The following CTNND2 variants were observed in gnomAD, a reference collection of about 807,000 sequenced individuals.
CTNND2 encodes the protein catenin delta 2, also known as catenin delta-2.
Under a neutral mutation model 144.4 loss-of-function variants are expected in CTNND2, and 22 were observed. That is an observed-to-expected ratio of 0.15 (90% CI 0.11 to 0.22). The LOEUF (loss-of-function observed/expected upper bound fraction) is 0.22, where lower values mean the gene tolerates loss of function less well. Ranked by LOEUF, CTNND2 falls within the 10% of genes least tolerant of loss-of-function variation. The pLI, the probability that CTNND2 is intolerant of heterozygous loss-of-function variation, is 1.00. For missense variants in CTNND2, 1,353 were observed against 1,618.8 expected (o/e 0.84, Z 2.82); for synonymous variants, 751 against 695.6 (o/e 1.08, Z -1.25).
chr5:11,061,618 G>A (rs1344332658), intron 16 of CTNND2, among the ~76,000 whole-genome samples: 1 of 152,030 alleles, frequency 6.6e-6, no homozygotes, highest in African/African-American at 2.4e-5. Flanking sequence ...CTTCTTTCCT[G>A]ACCACCCCAT....
intron 15 of CTNND2, among the ~76,000 whole-genome samples, chr5:11,098,245 T>C (rs1440432307): frequency 6.6e-6 from 1 of 152,164 alleles, no homozygotes; most frequent in African/African-American, 2.4e-5. Flanking sequence ...ATGATAGTGC[T>C]TTGAAAAAAT....
chr5:11,038,666 A>C (rs989798879), intron 16 of CTNND2, among the ~76,000 whole-genome samples: 4 of 152,172 alleles, frequency 2.6e-5, no homozygotes, highest in African/African-American at 9.7e-5. Flanking sequence ...TTTGAATCTG[A>C]AAGTTCTGGA....
intron 9 of CTNND2, among the ~76,000 whole-genome samples, chr5:11,282,848 C>A (rs1157185245): frequency 6.6e-6 from 1 of 152,132 alleles, no homozygotes; most frequent in African/African-American, 2.4e-5. Flanking sequence ...ACAAGTAATG[C>A]CCTGGCTATT....
chr5:11,118,696 A>G (rs2149696480), intron 12 of CTNND2, among the ~76,000 whole-genome samples: 1 of 152,360 alleles, frequency 6.6e-6, no homozygotes, highest in East Asian at 1.9e-4. Flanking sequence ...CCCAAGGATC[A>G]GTAAGCCTGG....
chr5:11,168,016 T>G (rs1172843811), intron 11 of CTNND2, among the ~76,000 whole-genome samples: 2 of 152,206 alleles, frequency 1.3e-5, no homozygotes, highest in East Asian at 3.9e-4. Context: ...CTCACCTAAA[T>G]TTTTGATTAG....
intron 2 of CTNND2, among the ~76,000 whole-genome samples, chr5:11,586,418 T>C (rs1175635804): frequency 1.3e-5 from 2 of 152,220 alleles, no homozygotes; most frequent in Non-Finnish European, 2.9e-5. Flanking sequence ...AAAAAACATT[T>C]GTTGAATACA....
At chr5:11,652,182 A>G (rs1782676968) in intron 2 of CTNND2, among the ~76,000 whole-genome samples, 1 of 152,118 alleles carries the variant, frequency 6.6e-6, no homozygotes, top group Non-Finnish European at 1.5e-5. Context: ...CCCCCGTGCT[A>G]TTTTTGTGAT....
intron 9 of CTNND2, among the ~76,000 whole-genome samples, chr5:11,248,578 A>G (rs560438582): frequency 6.6e-6 from 1 of 152,316 alleles, no homozygotes; most frequent in East Asian, 1.9e-4. Flanking sequence ...TTTCTTATAA[A>G]TTAGGTAACC....
chr5:11,633,784 A>T (rs1463706777), intron 2 of CTNND2, among the ~76,000 whole-genome samples: 2 of 151,864 alleles, frequency 1.3e-5, no homozygotes, highest in Non-Finnish European at 2.9e-5. Flanking sequence ...TCAAAAAAAA[A>T]AAAAAAATTA....
intron 1 of CTNND2, among the ~76,000 whole-genome samples, chr5:11,846,180 T>C (rs1294088477): frequency 6.6e-6 from 1 of 152,204 alleles, no homozygotes; most frequent in African/African-American, 2.4e-5. Flanking sequence ...GACAATTTTG[T>C]CATTGTTTTA....
At chr5:11,852,979 C>G (rs549861053) in intron 1 of CTNND2, among the ~76,000 whole-genome samples, 56 of 152,112 alleles carry the variant, frequency 3.7e-4, no homozygotes, top group Non-Finnish European at 6.5e-4. Flanking sequence ...ATGTTTTTCT[C>G]TCTTTCTTTT....
At chr5:11,803,857 C>CT (rs946537928) in intron 1 of CTNND2, among the ~76,000 whole-genome samples, 37 of 150,360 alleles carry the variant, frequency 2.5e-4, no homozygotes, top group African/African-American at 6.8e-4. Context: ...TGAAATTTTT[C>CT]TTTTTTTTTT....
chr5:11,734,562 C>T (rs1163412877), intron 1 of CTNND2, among the ~76,000 whole-genome samples: 1 of 152,096 alleles, frequency 6.6e-6, no homozygotes, highest in Non-Finnish European at 1.5e-5. Flanking sequence ...ATTACAAAAC[C>T]CCCATCTCAA....
intron 3 of CTNND2, among the ~76,000 whole-genome samples, chr5:11,509,734 T>C (rs778480100): frequency 9.8e-5 from 15 of 152,334 alleles, no homozygotes; most frequent in Admixed American, 7.2e-4. Flanking sequence ...CTAGTCTCTT[T>C]ACTTCTCTTT....
chr5:11,837,634 A>T (rs1351862327), intron 1 of CTNND2, among the ~76,000 whole-genome samples: 2 of 152,202 alleles, frequency 1.3e-5, no homozygotes, highest in African/African-American at 4.8e-5. Flanking sequence ...GAGTATCTTT[A>T]GGAACAAGTC....
In CTNND2 at chr5:11,182,387, G is replaced by GTA. The variant is rs891306455; in HGVS notation, c.1975+17059_1975+17060dup. 7.2e-5 allele frequency among the ~76,000 whole-genome samples: 11 copies of GTA among 152,102 alleles called. 1 individual carries two copies. The highest frequency in any genetic ancestry group is 2.6e-4 in the Admixed American group (4 of 15,294). On this transcript the variant is annotated intron_variant, in intron 11 of 21. Transcript: ENST00000304623. Reference sequence around the variant, plus strand: ...TGCACATCTAAGAGTGTGCACACCTGTATATATATGTCTGTGTGTGCAAGT... The same window carrying GTA: ...TGCACATCTAAGAGTGTGCACACCTGTATATATATATGTCTGTGTGTGCAAGT...
intron 2 of CTNND2, among the ~76,000 whole-genome samples, chr5:11,651,624 C>T (rs1040752884): frequency 1.3e-5 from 2 of 152,360 alleles, no homozygotes; most frequent in African/African-American, 2.4e-5. Flanking sequence ...CTGTAACCTG[C>T]AAAGCCACAG....
At chr5:11,791,424 C>T (rs1263934353) in intron 1 of CTNND2, among the ~76,000 whole-genome samples, 1 of 152,148 alleles carries the variant, frequency 6.6e-6, no homozygotes, top group Non-Finnish European at 1.5e-5. Context: ...AAAGCAAGAA[C>T]ATGTTCTCAA....
intron 12 of CTNND2, among the ~76,000 whole-genome samples, chr5:11,130,592 T>C (rs1257023169): frequency 6.6e-6 from 1 of 152,106 alleles, no homozygotes; most frequent in Admixed American, 6.6e-5. Context: ...GGAAGAAAGG[T>C]GTGGATGCTG....
Sources: allele counts gnomAD v4.1 joint callset (sites outside exome capture counted in the v4.1 genomes callset), GRCh38; gene constraint gnomAD v4.1.1; transcripts MANE v1.5; gene names NCBI Gene and HGNC (gene_info 2026-07-23, HGNC 2026-07-21).